The following LEPROTL1 variants were observed in gnomAD, a reference collection of about 807,000 sequenced individuals.
LEPROTL1 encodes leptin receptor overlapping transcript like 1.
LEPROTL1 carries 6 observed loss-of-function variants against 15.4 expected under a neutral mutation model. The observed-to-expected ratio is 0.39, with a 90% CI of 0.21 to 0.77. The LOEUF is 0.77. LEPROTL1 is among the 30% of genes least tolerant of loss of function. The probability of loss-of-function intolerance (pLI) is 0.41; values close to 1 mark genes in which losing one functional copy is unlikely to be tolerated. For missense variants in LEPROTL1, 128 were observed against 158.1 expected, an observed-to-expected ratio of 0.81 and a Z score of 1.02; for synonymous variants, 56 against 52.6, an observed-to-expected ratio of 1.06 and a Z score of -0.28.
intron 4 of LEPROTL1, among the ~76,000 whole-genome samples, chr8:30,135,614 T>C (rs1376131404): frequency 6.6e-6 from 1 of 151,976 alleles, no homozygotes; most frequent in Non-Finnish European, 1.5e-5. Flanking sequence ...AGGAGAACAA[T>C]GAATGAAAAT....
At chr8:30,114,086 C>T (rs16876492) in intron 3 of LEPROTL1, among the ~76,000 whole-genome samples, 18,533 of 152,052 alleles carry the variant, frequency 0.12, 1,361 homozygotes, top group East Asian at 0.23. Context: ...CAGAGGCTCT[C>T]TGTTTTATCA....
downstream of LEPROTL1, among the ~76,000 whole-genome samples, chr8:30,110,301 A>G (rs1012678644): frequency 6.6e-6 from 1 of 152,204 alleles, no homozygotes; most frequent in Non-Finnish European, 1.5e-5. Flanking sequence ...GTGAGAGATT[A>G]AGACCATAAA....
Position 30,104,324 on chromosome 8 carries a change from A to G in LEPROTL1, c.117A>G (p.Leu39=), listed in dbSNP as rs547571410. 1.0e-5 allele frequency: 16 copies of G among 1,546,010 alleles called. No individual in the cohort carries two copies. Among genetic ancestry groups the G allele is most frequent in the East Asian group, 2.3e-5 (1 of 42,574 alleles). ...IYNKYWPLFV[L]FFYILSPIPY... ...GCAAATACTGGCCCCTCTTTGTTCT[A>G]TTTTTTTACATCCTTTCACCTATTC... is the stretch of plus-strand genomic sequence containing the variant. Residue 39 remains leucine (L), a synonymous_variant, in exon 3 of 4, where the codon CTA becomes CTG. Coordinates refer to ENST00000321250, the MANE Select transcript of LEPROTL1 (RefSeq NM_015344.3).
intron 3 of LEPROTL1, among the ~76,000 whole-genome samples, chr8:30,120,473 A>ATT (rs1324762826): frequency 1.7e-5 from 1 of 57,370 alleles, no homozygotes; most frequent in African/African-American, 3.9e-5. Flanking sequence ...GCATATATAT[A>ATT]TATGTATATA....
chr8:30,114,917 A>G (rs1041121363), intron 3 of LEPROTL1, among the ~76,000 whole-genome samples: 1 of 152,006 alleles, frequency 6.6e-6, no homozygotes, highest in Admixed American at 6.6e-5. Flanking sequence ...CTCCCCTTTC[A>G]TTGCCGGAGC....
chr8:30,123,543 A>G (rs1238816114), intron 3 of LEPROTL1, among the ~76,000 whole-genome samples: 1 of 152,176 alleles, frequency 6.6e-6, no homozygotes, highest in Non-Finnish European at 1.5e-5. Flanking sequence ...TACTACATTT[A>G]TTCCTAAATA....
At chr8:30,122,308 A>G (rs1230397500) in intron 3 of LEPROTL1, among the ~76,000 whole-genome samples, 1 of 152,120 alleles carries the variant, frequency 6.6e-6, no homozygotes, top group Non-Finnish European at 1.5e-5. Context: ...TATATTCAAA[A>G]ATCACTCAAA....
intron 4 of LEPROTL1, among the ~76,000 whole-genome samples, chr8:30,135,759 T>A (rs766424376): frequency 6.6e-6 from 1 of 150,714 alleles, no homozygotes; most frequent in African/African-American, 2.4e-5. Flanking sequence ...ACAAAAAATA[T>A]GAAAATTAGC....
At chr8:30,120,356 C>CT (rs1179956497) in intron 3 of LEPROTL1, among the ~76,000 whole-genome samples, 1 of 151,950 alleles carries the variant, frequency 6.6e-6, no homozygotes, top group Non-Finnish European at 1.5e-5. Flanking sequence ...TAAGAACTAT[C>CT]ATAAGACTGC....
chr8:30,135,960 G>A (rs996239842), intron 4 of LEPROTL1, among the ~76,000 whole-genome samples: 8 of 149,860 alleles, frequency 5.3e-5, no homozygotes, highest in Non-Finnish European at 1.2e-4. Flanking sequence ...ACACTCTACA[G>A]TCAGAAATGC....
chr8:30,095,566 G>A, intron 1 of LEPROTL1, 38 bp downstream of exon 1: 8 of 1,346,626 alleles, frequency 5.9e-6, no homozygotes, highest in South Asian at 1.7e-5. Context: ...GGCTGGGGCC[G>A]GCGGGGGAAG....
chr8:30,104,601 G>T, intron 3 of LEPROTL1, 115 bp downstream of exon 3: 1 of 547,598 alleles, frequency 1.8e-6, no homozygotes, highest in South Asian at 4.8e-5. Flanking sequence ...GAGCCTAGAA[G>T]ATAGAGATTA....
chr8:30,132,108 G>A (rs372180860), intron 3 of LEPROTL1: 2 of 1,551,742 alleles, frequency 1.3e-6, no homozygotes, highest in African/African-American at 1.4e-5. Flanking sequence ...GGGCCCAGGT[G>A]AGGGTTCTAT....
chr8:30,126,883 CAA>C (rs1229286991), intron 3 of LEPROTL1, among the ~76,000 whole-genome samples: 1 of 151,920 alleles, frequency 6.6e-6, no homozygotes, highest in Non-Finnish European at 1.5e-5. Flanking sequence ...ACTAAAAATA[CAA>C]AAAAATTAGC....
In LEPROTL1 at chr8:30,107,850, C is replaced by G; in HGVS notation, c.*1988C>G. The G allele has an allele frequency of 1.0e-6, 1 of 985,332 alleles. No individual in the cohort carries two copies. Among genetic ancestry groups the G allele is most frequent in the Non-Finnish European group, 1.2e-6 (1 of 829,890 alleles). The allele number at this position is 985,332 out of a possible 1,614,324, so 61.0% of individuals were successfully genotyped here. The stretch of plus-strand genomic sequence containing the variant: ...ACTGTTTTATCCACTTGGCCACAGA[C>G]TTTTTCTAACAGCTGCGTATTATTT... On this transcript the variant is annotated 3_prime_UTR_variant, in exon 4 of 4. Coordinates refer to ENST00000321250, the MANE Select transcript of LEPROTL1 (RefSeq NM_015344.3).
intron 1 of LEPROTL1, 105 bp from the exon 2 acceptor site, chr8:30,101,793 T>G: frequency 1.5e-6 from 1 of 668,156 alleles, no homozygotes; most frequent in Non-Finnish European, 2.6e-6. Context: ...TTAATACGTT[T>G]TAGGGATTTT....
In LEPROTL1 at chr8:30,106,270, A is replaced by G. The variant is rs572061350; in HGVS notation, c.*408A>G. 2.1e-5 allele frequency: 21 copies of G among 986,270 alleles called. No individual in the cohort carries two copies. The East Asian group carries it at 1.9e-3, about 90-fold the overall frequency. 61.1% of individuals were successfully genotyped at this position (986,270 alleles called of 1,614,324 possible). ...GGTCAAGTACATCTTTTCTCTTAAA[A>G]TTATTTAGCCTCCATTATTACAAAA... On this transcript the variant is annotated 3_prime_UTR_variant, in exon 4 of 4. Transcript: ENST00000321250.
Position 30,104,374 on chromosome 8 carries a change from T to C in LEPROTL1, c.167T>C (p.Val56Ala). 1 of 1,610,714 alleles carries C rather than the reference T, an allele frequency of 6.2e-7. No homozygotes were observed. ...PIPYCIARRL[V>A]DDTDAMSNAC... The stretch of plus-strand genomic sequence containing the variant: ...CCATACTGCATAGCAAGAAGATTAG[T>C]GGATGATACAGATGCTATGAGTAAC... The change falls in exon 3 of 4, where the codon GTG becomes GCG. Residue 56 changes from valine (V) to alanine (A), a missense_variant. Val to Ala is a moderately conservative substitution (Grantham distance 64). Coordinates refer to ENST00000321250, the MANE Select transcript of LEPROTL1 (RefSeq NM_015344.3).
intron 4 of LEPROTL1, chr8:30,132,562 G>A (rs777359025): frequency 1.3e-5 from 20 of 1,551,568 alleles, no homozygotes; most frequent in South Asian, 2.4e-5. Context: ...AGTCAGTCCC[G>A]CTCCTGCATC....
Sources: allele counts gnomAD v4.1 joint callset (sites outside exome capture counted in the v4.1 genomes callset), GRCh38; gene constraint gnomAD v4.1.1; transcripts MANE v1.5; gene names NCBI Gene and HGNC (gene_info 2026-07-23, HGNC 2026-07-21).